The following TMEM71 variants were observed in gnomAD, a reference collection of about 807,000 sequenced individuals.
TMEM71 encodes the protein transmembrane protein 71.
TMEM71 carries 44 observed loss-of-function variants against 38.0 expected under a neutral mutation model. The ratio of observed to expected loss-of-function variants is 1.16; its 90% CI spans 0.91 to 1.49. The LOEUF is 1.49. TMEM71 is among the 40% of genes most tolerant of loss of function. TMEM71 has a pLI of 0.00. For missense variants in TMEM71, 367 were observed against 348.6 expected (o/e 1.05, Z -0.42); for synonymous variants, 133 against 122.5 (o/e 1.09, Z -0.56).
chr8:132,761,049 T>G (rs902206497), upstream of TMEM71, among the ~76,000 whole-genome samples: 1 of 152,234 alleles, frequency 6.6e-6, no homozygotes, highest in Non-Finnish European at 1.5e-5. Context: ...AATAGGTTTA[T>G]CTAATGAAGG....
At chr8:132,714,828 T>C (rs1826415752) in intron 7 of TMEM71, among the ~76,000 whole-genome samples, 2 of 152,198 alleles carry the variant, frequency 1.3e-5, no homozygotes, top group Admixed American at 1.3e-4. Flanking sequence ...CAAGGACTTC[T>C]ATCCATAATA....
upstream of TMEM71, among the ~76,000 whole-genome samples, chr8:132,763,129 C>G (rs933423727): frequency 6.6e-6 from 1 of 152,196 alleles, no homozygotes; most frequent in Admixed American, 6.5e-5. Flanking sequence ...TCCCTCAGCT[C>G]TTTTCTCCAC....
chr8:132,743,186 G>A (rs1055653506), intron 5 of TMEM71, among the ~76,000 whole-genome samples: 1 of 120 alleles, frequency 8.3e-3, no homozygotes, highest in Non-Finnish European at 0.017. Flanking sequence ...AGGAGAAAGG[G>A]GAAGAAGAGC....
chr8:132,727,809 G>T lies in TMEM71; in HGVS notation c.665C>A (p.Ser222Ter), dbSNP rs751568146. The change falls in exon 6 of 10, where the codon TCG becomes TAG. Residue 222 changes from serine (S) to a stop codon, truncating the protein, a stop_gained. Coordinates refer to ENST00000677595, the MANE Select transcript of TMEM71 (RefSeq NM_001382403.1). LOFTEE classifies it high-confidence loss of function. ...TASERFQENSSDHSETRLLQE... is the reference protein window; with the variant it reads ...TASERFQENS ...ACACCTGAACTCACCTGAATGATCC[G>T]AACTATTCTCTTGGAAACGTTCAGA... 1.2e-6 allele frequency: 2 copies of T among 1,610,306 alleles called. No homozygotes were observed. Among genetic ancestry groups the T allele is most frequent in the East Asian group, 2.2e-5 (1 of 44,826 alleles).
At chr8:132,717,525 T>G (rs559328610) in intron 7 of TMEM71, among the ~76,000 whole-genome samples, 23 of 152,088 alleles carry the variant, frequency 1.5e-4, no homozygotes, top group Non-Finnish European at 3.1e-4. Flanking sequence ...GAAATGCAAA[T>G]CAAAACCACA....
At chr8:132,761,744 G>A (rs1324789844), upstream of TMEM71, among the ~76,000 whole-genome samples, 1 of 152,200 alleles carries the variant, frequency 6.6e-6, no homozygotes, top group Non-Finnish European at 1.5e-5. Context: ...CTACCATGAT[G>A]AGGCTTCCAT....
chr8:132,716,241 G>T (rs532198845), intron 7 of TMEM71, among the ~76,000 whole-genome samples: 1 of 152,326 alleles, frequency 6.6e-6, no homozygotes, highest in East Asian at 1.9e-4. Flanking sequence ...TGATTTCGGA[G>T]CAAAGTTGTG....
At chr8:132,739,613 A>G (rs1374110884) in intron 5 of TMEM71, among the ~76,000 whole-genome samples, 1 of 151,936 alleles carries the variant, frequency 6.6e-6, no homozygotes, top group African/African-American at 2.4e-5. Context: ...GTCAGGCCCC[A>G]ACTCTGCTGT....
chr8:132,747,007 G>C lies in TMEM71; in HGVS notation c.422C>G (p.Ser141Cys), dbSNP rs1312517516. The change falls in exon 5 of 10, where the codon TCT becomes TGT. Residue 141 changes from serine to cysteine, a missense_variant. Coordinates refer to ENST00000677595, the MANE Select transcript of TMEM71 (RefSeq NM_001382403.1). The part of the protein sequence containing the change: ...HGSIFGDINS[S>C]PSEDNWLKGT... ...CTTCAACCAGTTGTCTTCACTTGGA[G>C]AAGAGTTGATGTCACCAAAGATACT... 6.2e-7 allele frequency: 1 copy of C among 1,613,800 alleles called. No individual in the cohort carries two copies. The highest frequency in any genetic ancestry group is 1.7e-5 in the Admixed American group (1 of 59,900).
At chr8:132,736,352 G>A (rs1335423545) in intron 5 of TMEM71, among the ~76,000 whole-genome samples, 1 of 152,170 alleles carries the variant, frequency 6.6e-6, no homozygotes, top group African/African-American at 2.4e-5. Flanking sequence ...AGCCATTCCT[G>A]GAGCAGCAGT....
intron 6 of TMEM71, among the ~76,000 whole-genome samples, chr8:132,724,029 G>A (rs1049228147): frequency 6.6e-6 from 1 of 152,172 alleles, no homozygotes; most frequent in South Asian, 2.1e-4. Context: ...TTTAAAAGGG[G>A]AGGGGGTGCA....
rs769140862 is a variant in TMEM71, at chr8:132,751,802, A to G, written c.297T>C (p.Tyr99=). The G allele has an allele frequency of 3.1e-5, 50 of 1,613,474 alleles. 1 individual carries two copies. In the South Asian group the frequency reaches 5.4e-4, roughly 17 times the overall value. Residue 99 remains tyrosine, a synonymous_variant, in exon 4 of 10, where the codon TAT becomes TAC. Coordinates refer to ENST00000677595, the MANE Select transcript of TMEM71 (RefSeq NM_001382403.1). ...TLNPSQTSVM[Y]KENLVRIFRK... ...CTGCTTACCTAACTAAGTTCTCCTT[A>G]TACATAACGCTGGTCTGGGATGGGT...
At chr8:132,762,478 AC>A (rs1829314807), upstream of TMEM71, among the ~76,000 whole-genome samples, 1 of 147,356 alleles carries the variant, frequency 6.8e-6, no homozygotes, top group South Asian at 2.1e-4. Flanking sequence ...ACTTTGGTCT[AC>A]TTTTTTTTTT....
At chr8:132,734,361 A>G (rs1171541375) in intron 5 of TMEM71, among the ~76,000 whole-genome samples, 1 of 152,162 alleles carries the variant, frequency 6.6e-6, no homozygotes, top group African/African-American at 2.4e-5. Flanking sequence ...GTTAAAAAAA[A>G]GAGGAGGCTA....
chr8:132,737,087 CAG>C (rs1032616651), intron 5 of TMEM71, among the ~76,000 whole-genome samples: 2 of 152,076 alleles, frequency 1.3e-5, no homozygotes, highest in African/African-American at 4.8e-5. Context: ...TATTGGTCGT[CAG>C]GGGCTGGTGG....
downstream of TMEM71, among the ~76,000 whole-genome samples, chr8:132,706,567 T>C (rs1826097770): frequency 6.6e-6 from 1 of 152,186 alleles, no homozygotes; most frequent in Admixed American, 6.5e-5. Flanking sequence ...GGTGTGCCTT[T>C]TGGGAAATTT....
the TMEM71 span, among the ~76,000 whole-genome samples, chr8:132,769,036 C>T: frequency 6.6e-6 from 1 of 152,344 alleles, no homozygotes; most frequent in Non-Finnish European, 1.5e-5. Flanking sequence ...TAAGCTTATC[C>T]CTTATGCTCC....
chr8:132,713,974 G>C (rs1184059704), intron 9 of TMEM71, 21 bp downstream of exon 9: 3 of 1,611,608 alleles, frequency 1.9e-6, no homozygotes, highest in African/African-American at 2.7e-5. Context: ...AGACAATAAT[G>C]ATGACACAGG....
rs746427898 is a variant in TMEM71 at position 132,714,219 on chromosome 8, AAAC to A, written c.753-7_753-5del. On this transcript the variant is annotated splice_polypyrimidine_tract_variant and splice_region_variant and intron_variant, in intron 7 of 9. Transcript: ENST00000677595. ...TAATATTTCTCCCATAAACCATCTG[AAAC>A]AACAAGATTGCTCTGATTTAGCATA... 6 of 1,608,548 alleles carry A rather than the reference AAAC, an allele frequency of 3.7e-6. No individual in the cohort carries two copies. The Admixed American group carries it at 6.7e-5, about 18-fold the overall frequency.
Sources: allele counts gnomAD v4.1 joint callset (sites outside exome capture counted in the v4.1 genomes callset), GRCh38; gene constraint gnomAD v4.1.1; transcripts MANE v1.5; gene names NCBI Gene and HGNC (gene_info 2026-07-23, HGNC 2026-07-21).